ADGRA3: variants seen among roughly 807,000 people sequenced by gnomAD.
ADGRA3 encodes the protein G-protein coupled receptor 125.
ADGRA3 carries 56 observed loss-of-function variants against 119.8 expected under a neutral mutation model. The ratio of observed to expected loss-of-function variants is 0.47; its 90% CI spans 0.38 to 0.58. The LOEUF (loss-of-function observed/expected upper bound fraction) is 0.58. ADGRA3 is among the 20% of genes least tolerant of loss of function. The probability of loss-of-function intolerance (pLI) is 0.00; values close to 1 mark genes in which losing one functional copy is unlikely to be tolerated. For missense variants in ADGRA3, 1,516 were observed against 1,649.0 expected (o/e 0.92, Z 1.40); for synonymous variants, 607 against 623.8 (o/e 0.97, Z 0.40).
intron 17 of ADGRA3, among the ~76,000 whole-genome samples, chr4:22,390,400 AT>A (rs1248064043): frequency 6.1e-4 from 2 of 3,282 alleles, no homozygotes; most frequent in African/African-American, 1.3e-3. Context: ...ATATATATAT[AT>A]AAAATACGTA....
At chr4:22,421,207 T>C in intron 11 of ADGRA3, 118 bp from the exon 12 acceptor site, 3 of 684,728 alleles carry the variant, frequency 4.4e-6, no homozygotes, top group South Asian at 4.5e-5. Context: ...GCCCAGGTTC[T>C]TCCTAAACAA....
Position 22,387,471 on chromosome 4 carries a change from A to G in ADGRA3, c.*234T>C, listed in dbSNP as rs1713873191. The G allele has an allele frequency of 2.3e-6, 1 of 426,458 alleles. No individual in the cohort carries two copies. Among genetic ancestry groups the G allele is most frequent in the Non-Finnish European group, 4.2e-6 (1 of 239,990 alleles). The allele number at this position is 426,458 out of a possible 1,614,324, so 26.4% of individuals were successfully genotyped here. ...CAAGAAATTACATTTCACATCCCAA[A>G]ATGTCCTGTTGGTGCTTTGACAACT... On this transcript the variant is annotated 3_prime_UTR_variant, in exon 19 of 19. Transcript: ENST00000334304.
chr4:22,427,733 A>C (rs574749392), intron 10 of ADGRA3, among the ~76,000 whole-genome samples: 77 of 152,320 alleles, frequency 5.1e-4, no homozygotes, highest in Non-Finnish European at 1.0e-3. Context: ...TGGATTAAAA[A>C]AAGTATTCCT....
intron 10 of ADGRA3, among the ~76,000 whole-genome samples, chr4:22,427,599 T>C (rs1715995411): frequency 6.6e-6 from 1 of 152,176 alleles, no homozygotes; most frequent in East Asian, 1.9e-4. Flanking sequence ...TGCCAAAATA[T>C]TCCCTAGAGC....
intron 1 of ADGRA3, among the ~76,000 whole-genome samples, chr4:22,507,379 A>G (rs1019187073): frequency 1.3e-5 from 2 of 152,350 alleles, no homozygotes; most frequent in East Asian, 3.9e-4. Context: ...TCAAGCCAGT[A>G]AACTACTGCT....
intron 4 of ADGRA3, among the ~76,000 whole-genome samples, chr4:22,452,546 A>G (rs371228893): frequency 6.6e-6 from 1 of 152,298 alleles, no homozygotes; most frequent in East Asian, 1.9e-4. Context: ...ATTGTGTTCC[A>G]TGATGTATAC....
intron 12 of ADGRA3, chr4:22,414,091 GATATT>G (rs912454901): frequency 3.3e-6 from 1 of 298,906 alleles, no homozygotes; most frequent in Non-Finnish European, 6.2e-6. Flanking sequence ...ATTTTCCCAT[GATATT>G]ATATGTTGAA....
At chr4:22,474,874 G>A (rs1366760650) in intron 1 of ADGRA3, among the ~76,000 whole-genome samples, 1 of 152,148 alleles carries the variant, frequency 6.6e-6, no homozygotes, top group East Asian at 1.9e-4. Context: ...GGTACAGTGT[G>A]AGCTAGTGTT....
chr4:22,433,497 A>G (rs1054371740), intron 10 of ADGRA3, among the ~76,000 whole-genome samples: 6 of 152,174 alleles, frequency 3.9e-5, no homozygotes, highest in Non-Finnish European at 1.5e-5. Context: ...TTAATAACTA[A>G]TGAAACCATG....
Position 22,420,556 on chromosome 4 carries a change from C to T in ADGRA3, c.1809+330G>A. 2 of 376,070 alleles carry T rather than the reference C, an allele frequency of 5.3e-6. 1 individual carries two copies. The highest frequency in any genetic ancestry group is 1.0e-4 in the South Asian group (2 of 19,490). The allele number at this position is 376,070 out of a possible 1,614,324, so 23.3% of individuals were successfully genotyped here. A position where few individuals can be genotyped will look rare whatever the true frequency, so the allele number is the denominator to read the frequency against. Reference sequence around the variant, plus strand: ...CATCTTATTGTCTTAAAATCAGGAGCAAAAAAACAAATAAATAAACTTTTA... The same window carrying T: ...CATCTTATTGTCTTAAAATCAGGAGTAAAAAAACAAATAAATAAACTTTTA... On this transcript the variant is annotated intron_variant, in intron 12 of 18. Transcript: ENST00000334304.
chr4:22,414,519 A>G (rs1715354935), intron 12 of ADGRA3: 2 of 644,798 alleles, frequency 3.1e-6, no homozygotes, highest in Non-Finnish European at 5.5e-6. Flanking sequence ...CCATCTAAAA[A>G]CATTCCATAG....
intron 4 of ADGRA3, among the ~76,000 whole-genome samples, chr4:22,449,069 G>C (rs1196631139): frequency 2.0e-5 from 3 of 152,070 alleles, no homozygotes; most frequent in Non-Finnish European, 2.9e-5. Flanking sequence ...TCGGGAGTTT[G>C]AGACCAGCCT....
chr4:22,501,106 T>C (rs1310827166), intron 1 of ADGRA3, among the ~76,000 whole-genome samples: 1 of 152,178 alleles, frequency 6.6e-6, no homozygotes, highest in African/African-American at 2.4e-5. Flanking sequence ...TTCTCCAGGC[T>C]ACAGATCATG....
intron 14 of ADGRA3, among the ~76,000 whole-genome samples, chr4:22,405,566 A>C (rs1357924365): frequency 6.6e-6 from 1 of 150,796 alleles, no homozygotes; most frequent in Non-Finnish European, 1.5e-5. Context: ...AAAAAAAATT[A>C]AATTAAAATT....
chr4:22,483,721 A>G (rs1213215993), intron 1 of ADGRA3, among the ~76,000 whole-genome samples: 1 of 152,172 alleles, frequency 6.6e-6, no homozygotes, highest in Admixed American at 6.5e-5. Context: ...TGGATCCTTA[A>G]TTATGGCTTA....
rs779659276 is a variant in ADGRA3 at position 22,388,043 on chromosome 4, G to A, written c.3628C>T (p.Arg1210Trp). The A allele has an allele frequency of 1.2e-5, 19 of 1,614,076 alleles. No individual in the cohort carries two copies. Among genetic ancestry groups the A allele is most frequent in the Middle Eastern group, 1.7e-4 (1 of 6,060 alleles). Reference sequence around the variant, plus strand: ...GAGTGTCCTTCGTTATTGCCCAGCCGGCTTTTAGGTAAGCCGTTCTGCACG... The same window carrying A: ...GAGTGTCCTTCGTTATTGCCCAGCCAGCTTTTAGGTAAGCCGTTCTGCACG... ...GSVQNGLPKS[R>W]LGNNEGHSRS... The change falls in exon 19 of 19, where the codon CGG becomes TGG. Residue 1210 changes from arginine (R) to tryptophan (W), a missense_variant. Arg to Trp is a moderately radical substitution (Grantham distance 101, BLOSUM62 -3). Coordinates refer to ENST00000334304, the MANE Select transcript of ADGRA3 (RefSeq NM_145290.4).
intron 14 of ADGRA3, among the ~76,000 whole-genome samples, chr4:22,408,845 C>T (rs1715065780): frequency 6.6e-6 from 1 of 152,122 alleles, no homozygotes; most frequent in South Asian, 2.1e-4. Flanking sequence ...TTTCTTGACA[C>T]CCAAAACCTA....
At chr4:22,389,020 G>C in intron 18 of ADGRA3, 68 bp downstream of exon 18, 1 of 1,596,370 alleles carries the variant, frequency 6.3e-7, no homozygotes. Flanking sequence ...GCAATCACCT[G>C]TAATGCCTAG....
At chr4:22,460,983 C>T (rs1375080242) in intron 3 of ADGRA3, among the ~76,000 whole-genome samples, 2 of 152,044 alleles carry the variant, frequency 1.3e-5, no homozygotes, top group Non-Finnish European at 2.9e-5. Context: ...AAAGGAGCTT[C>T]GTATAGGAGA....
Sources: gnomAD v4.1 joint callset for allele counts (sites outside exome capture counted in the v4.1 genomes callset) on GRCh38, gnomAD v4.1.1 for gene constraint, MANE v1.5 for transcripts, NCBI Gene and HGNC (gene_info 2026-07-23, HGNC 2026-07-21) for gene names.